AHRR: variants seen among roughly 807,000 people sequenced by gnomAD.
The protein encoded by AHRR is aryl hydrocarbon receptor repressor.
In AHRR, 28 loss-of-function variants were observed where a neutral mutation model predicts 44.0. The observed-to-expected ratio is 0.64, with a 90% CI of 0.47 to 0.87. The LOEUF (loss-of-function observed/expected upper bound fraction) is 0.87, where lower values mean the gene tolerates loss of function less well. Ranked by LOEUF, AHRR falls within the 40% of genes least tolerant of loss-of-function variation. AHRR has a pLI of 0.00. For missense variants in AHRR, 990 were observed against 953.9 expected (o/e 1.04, Z -0.50); for synonymous variants, 434 against 407.0 (o/e 1.07, Z -0.80).
chr5:365,726 A>G (rs1305718320), intron 3 of AHRR, among the ~76,000 whole-genome samples: 2 of 152,182 alleles, frequency 1.3e-5, no homozygotes, highest in African/African-American at 2.4e-5. Flanking sequence ...AGCTATTATG[A>G]ACAAATTAAT....
intron 4 of AHRR, among the ~76,000 whole-genome samples, chr5:381,940 A>G (rs1466107579): frequency 6.6e-6 from 1 of 152,156 alleles, no homozygotes; most frequent in East Asian, 1.9e-4. Flanking sequence ...TTCTGCATTT[A>G]TTGAGATGAT....
intron 4 of AHRR, among the ~76,000 whole-genome samples, chr5:390,934 C>T (rs1197591028): frequency 1.3e-5 from 2 of 152,146 alleles, no homozygotes; most frequent in African/African-American, 4.8e-5. Context: ...TCTCGGAAAG[C>T]CCCTGGAGGG....
chr5:350,432 C>T (rs1742820234), intron 2 of AHRR, among the ~76,000 whole-genome samples: 1 of 152,238 alleles, frequency 6.6e-6, no homozygotes, highest in Non-Finnish European at 1.5e-5. Context: ...CGAGTCTCCT[C>T]TGCCCTGGAG....
chr5:352,762 G>A (rs1460831336), intron 2 of AHRR, among the ~76,000 whole-genome samples: 1 of 151,112 alleles, frequency 6.6e-6, no homozygotes, highest in Non-Finnish European at 1.5e-5. Context: ...CAGCTGTAGG[G>A]GATGGTCACT....
At chr5:328,355 C>T (rs1391470783) in intron 1 of AHRR, among the ~76,000 whole-genome samples, 1 of 144,424 alleles carries the variant, frequency 6.9e-6, no homozygotes, top group East Asian at 2.3e-4. Flanking sequence ...GCAACCTCTG[C>T]CTCCTGGGTT....
chr5:368,675 C>G (rs1487371498), intron 3 of AHRR, among the ~76,000 whole-genome samples: 1 of 152,204 alleles, frequency 6.6e-6, no homozygotes, highest in Non-Finnish European at 1.5e-5. Flanking sequence ...GGTGTGTTTC[C>G]TCTGCAGGAC....
At chr5:407,145 T>C (rs1735294834) in intron 4 of AHRR, among the ~76,000 whole-genome samples, 3 of 152,238 alleles carry the variant, frequency 2.0e-5, no homozygotes, top group Admixed American at 1.3e-4. Context: ...TTTCCTGTGC[T>C]TTTGTAGCTA....
chr5:349,419 T>C (rs1742785813), intron 2 of AHRR, among the ~76,000 whole-genome samples: 1 of 151,580 alleles, frequency 6.6e-6, no homozygotes. Context: ...CCACTAAAAA[T>C]ACAAAAAAAA....
chr5:408,939 A>T (rs1289916983), intron 4 of AHRR, among the ~76,000 whole-genome samples: 1 of 152,220 alleles, frequency 6.6e-6, no homozygotes, highest in Non-Finnish European at 1.5e-5. Context: ...TATATACTTT[A>T]GGTTTTCAAA....
At chr5:384,204 T>G (rs1477194091) in intron 4 of AHRR, among the ~76,000 whole-genome samples, 2 of 152,222 alleles carry the variant, frequency 1.3e-5, no homozygotes, top group African/African-American at 2.4e-5. Flanking sequence ...TATGGGAATA[T>G]GTATTGGTAT....
intron 1 of AHRR, among the ~76,000 whole-genome samples, chr5:325,050 G>C (rs1409883231): frequency 1.3e-5 from 2 of 152,232 alleles, no homozygotes; most frequent in African/African-American, 4.8e-5. Context: ...TGGTATGTGA[G>C]GCTGAGGAGG....
chr5:335,906 G>A (rs967575476), intron 1 of AHRR, among the ~76,000 whole-genome samples: 6 of 152,206 alleles, frequency 3.9e-5, no homozygotes, highest in African/African-American at 9.7e-5. Context: ...TGCTTCCAGT[G>A]CTGGGAGCTG....
chr5:395,321 T>C lies in AHRR; in HGVS notation c.352-18023T>C, dbSNP rs1734652364. 6.6e-6 allele frequency among the ~76,000 whole-genome samples: 1 copy of C among 152,126 alleles called. No individual in the cohort carries two copies. On this transcript the variant is annotated intron_variant, in intron 4 of 10. Transcript: ENST00000684583. This position sits in a 1 kb window ranked among gnomAD's most constrained non-coding sequence, Gnocchi z 5.3. ...ACGAGCCCCGGTGGTGGGATGCAGT[T>C]AGCTGAACGCCAGGCTGAGCAGGGT...
rs903442195 is a variant in AHRR, at chr5:343,657, C to T, written c.-10-236C>T. The stretch of plus-strand genomic sequence containing the variant: ...GGCTTCTCTGGGGGAGGCCGGGACC[C>T]GCCTGACACCGAGGGGAGGCCCAGG... On this transcript the variant is annotated intron_variant, in intron 1 of 10. Transcript: ENST00000684583. The T allele has an allele frequency of 1.2e-4, 59 of 497,042 alleles. No homozygotes were observed. The East Asian group carries it at 2.1e-3, about 17-fold the overall frequency. The allele number at this position is 497,042 out of a possible 1,614,324, so 30.8% of individuals were successfully genotyped here.
intron 4 of AHRR, among the ~76,000 whole-genome samples, chr5:407,533 G>GTTATT (rs758155265): frequency 2.6e-5 from 4 of 151,964 alleles, no homozygotes; most frequent in Admixed American, 2.0e-4. Flanking sequence ...TTTTATTTGG[G>GTTATT]TTATTTTATT....
At chr5:372,679 C>T (rs539360363) in intron 3 of AHRR, among the ~76,000 whole-genome samples, 24 of 152,300 alleles carry the variant, frequency 1.6e-4, no homozygotes, top group Non-Finnish European at 3.1e-4. Context: ...TCCGTCTGCA[C>T]CGCCTCCCCC....
chr5:367,774 G>A, intron 3 of AHRR: 1 of 694,996 alleles, frequency 1.4e-6, no homozygotes, highest in Non-Finnish European at 2.6e-6. Flanking sequence ...GTGTTGCTGG[G>A]TTCTGTCCCC....
At position 436,608 on chromosome 5, in the gene AHRR, C is replaced by T. The variant is rs1050819879; in HGVS notation, c.*1774C>T. 2.0e-5 allele frequency: 3 copies of T among 152,486 alleles called. No individual in the cohort carries two copies. The highest frequency in any genetic ancestry group is 4.4e-5 in the Non-Finnish European group (3 of 68,174). The allele number at this position is 152,486 out of a possible 1,614,324, so 9.4% of individuals were successfully genotyped here. ...AGATCCATCGTGGCCCCCTATGACC[C>T]CCAAGCCCTACCGAGGGGGCACTCA... On this transcript the variant is annotated 3_prime_UTR_variant, in exon 11 of 11. Transcript: ENST00000684583.
intron 3 of AHRR, among the ~76,000 whole-genome samples, chr5:372,848 G>C (rs1743625918): frequency 2.0e-5 from 3 of 152,170 alleles, no homozygotes; most frequent in Admixed American, 1.3e-4. Context: ...TGCTCGTGGT[G>C]GGGGCCAGAT....
Sources: gnomAD v4.1 joint callset for allele counts (sites outside exome capture counted in the v4.1 genomes callset) on GRCh38, gnomAD v4.1.1 for gene constraint, Gnocchi (gnomAD v3.1) non-coding constraint, MANE v1.5 for transcripts, NCBI Gene and HGNC (gene_info 2026-07-23, HGNC 2026-07-21) for gene names.